The following TRAPPC12 variants were observed in gnomAD, a reference collection of about 807,000 sequenced individuals.
The protein encoded by TRAPPC12 is trafficking protein particle complex subunit 12.
Under a neutral mutation model 69.2 loss-of-function variants are expected in TRAPPC12, and 61 were observed. That is an observed-to-expected ratio of 0.88 (90% confidence interval 0.72 to 1.09). TRAPPC12 has a LOEUF of 1.09. TRAPPC12 is among the 50% of genes least tolerant of loss of function. TRAPPC12 has a pLI of 0.00. For synonymous variants in TRAPPC12, 469 were observed against 438.9 expected (o/e 1.07, Z -0.86); for missense variants, 1,101 against 1,016.4 (o/e 1.08, Z -1.13).
intron 6 of TRAPPC12, chr2:3,457,042 T>G: frequency 2.2e-6 from 1 of 459,846 alleles, no homozygotes; most frequent in Middle Eastern, 6.9e-4. Context: ...GACTTGGTGA[T>G]GTTTACAGTG....
chr2:3,386,334 A>G (rs1215562094), intron 1 of TRAPPC12, among the ~76,000 whole-genome samples: 3 of 152,198 alleles, frequency 2.0e-5, no homozygotes, highest in Non-Finnish European at 4.4e-5. Context: ...ACATAAAGTA[A>G]AAGTTTTTCA....
At chr2:3,392,136 C>T (rs189459277) in intron 2 of TRAPPC12, among the ~76,000 whole-genome samples, 19 of 152,236 alleles carry the variant, frequency 1.2e-4, no homozygotes, top group African/African-American at 4.6e-4. Flanking sequence ...GTACTCAGTA[C>T]CTTGCAGCGA....
chr2:3,396,329 T>C (rs1450995970), intron 2 of TRAPPC12, among the ~76,000 whole-genome samples: 1 of 152,192 alleles, frequency 6.6e-6, no homozygotes, highest in Non-Finnish European at 1.5e-5. Flanking sequence ...GTAGTAATTC[T>C]TATCCTCGCT....
Position 3,387,632 on chromosome 2 carries a change from C to G in TRAPPC12, c.9C>G (p.Asp3Glu). The change falls in exon 2 of 12, where the codon GAC becomes GAG. Residue 3 changes from aspartate (D) to glutamate (E), a missense_variant. Coordinates refer to ENST00000324266, the MANE Select transcript of TRAPPC12 (RefSeq NM_016030.6). ...TCTTTGCTTTCAGGGTCATGGAGGA[C>G]GCTGGCGGCGGCGAGGAGACCCCGG... ME[D>E]AGGGEETPAP... The G allele has an allele frequency of 1.3e-6, 2 of 1,541,130 alleles. No homozygotes were observed. The highest frequency in any genetic ancestry group is 1.8e-6 in the Non-Finnish European group (2 of 1,140,538).
intron 3 of TRAPPC12, among the ~76,000 whole-genome samples, chr2:3,405,499 CT>C (rs1274920481): frequency 6.6e-6 from 1 of 152,202 alleles, no homozygotes; most frequent in Non-Finnish European, 1.5e-5. Context: ...GCTTCTAGGA[CT>C]GGATTGTATC....
chr2:3,430,598 A>G (rs529054332), intron 5 of TRAPPC12, among the ~76,000 whole-genome samples: 2 of 152,370 alleles, frequency 1.3e-5, no homozygotes, highest in East Asian at 1.9e-4. Flanking sequence ...TATTTGGGAA[A>G]TATTAATATC....
chr2:3,468,361 C>T (rs756071231), intron 9 of TRAPPC12, among the ~76,000 whole-genome samples: 30 of 152,052 alleles, frequency 2.0e-4, no homozygotes, highest in Non-Finnish European at 4.4e-4. Context: ...CAGACCCCGA[C>T]CCTGGTCCAG....
At chr2:3,398,861 C>A (rs1384134346) in intron 2 of TRAPPC12, among the ~76,000 whole-genome samples, 1 of 152,164 alleles carries the variant, frequency 6.6e-6, no homozygotes, top group African/African-American at 2.4e-5. Context: ...TAAAGTAGAC[C>A]CTCACTGAAT....
rs11903792 is a variant in TRAPPC12 at position 3,395,156 on chromosome 2, C to G, written c.1047+6486C>G. Among the ~76,000 whole-genome samples the G allele has an allele frequency of 4.0e-3, 603 of 152,246 alleles. 2 individuals carry two copies. The highest frequency in any genetic ancestry group is 0.013 in the African/African-American group (520 of 41,530). ...TTTCCGTCAGCAGCGTATGAGAGTT[C>G]CAATTATTTTGTATCCATGGTATAG... On this transcript the variant is annotated intron_variant, in intron 2 of 11. Coordinates refer to ENST00000324266, the MANE Select transcript of TRAPPC12 (RefSeq NM_016030.6).
chr2:3,453,258 T>G (rs1664945389), intron 6 of TRAPPC12, among the ~76,000 whole-genome samples: 1 of 152,188 alleles, frequency 6.6e-6, no homozygotes, highest in Admixed American at 6.5e-5. Flanking sequence ...CAGCAGGCGC[T>G]AAGCACCACC....
At chr2:3,451,068 G>A (rs937837378) in intron 6 of TRAPPC12, among the ~76,000 whole-genome samples, 13 of 152,198 alleles carry the variant, frequency 8.5e-5, no homozygotes, top group African/African-American at 3.1e-4. Flanking sequence ...GTTACAAATT[G>A]CCTTTTTAAA....
At chr2:3,386,945 T>G (rs951982793) in intron 1 of TRAPPC12, among the ~76,000 whole-genome samples, 1 of 152,164 alleles carries the variant, frequency 6.6e-6, no homozygotes, top group Non-Finnish European at 1.5e-5. Context: ...GACAAACGGT[T>G]CAGCCACTAT....
In TRAPPC12 at chr2:3,479,311, G is replaced by A. The variant is rs777963713; in HGVS notation, c.2058G>A (p.Arg686=). The A allele has an allele frequency of 1.5e-5, 24 of 1,614,200 alleles. No homozygotes were observed. Among genetic ancestry groups the A allele is most frequent in the Non-Finnish European group, 2.0e-5 (24 of 1,180,042 alleles). The change falls in exon 12 of 12, where the codon AGG becomes AGA. Residue 686 remains arginine, a synonymous_variant. Transcript: ENST00000324266. ...AGGCCATGGTCCAGCAGGACCCCAGGCACTACCTGCACGAGAGCGTGCTCT... is the reference window on the plus strand; with the variant it reads ...AGGCCATGGTCCAGCAGGACCCCAGACACTACCTGCACGAGAGCGTGCTCT... ...QLEAMVQQDP[R]HYLHESVLFN...
intron 5 of TRAPPC12, among the ~76,000 whole-genome samples, chr2:3,435,942 A>G (rs1446570425): frequency 6.6e-6 from 1 of 152,228 alleles, no homozygotes; most frequent in Non-Finnish European, 1.5e-5. Context: ...GAGGCATTAT[A>G]AAAATATAGT....
At position 3,388,302 on chromosome 2, in the gene TRAPPC12, T is replaced by A; in HGVS notation, c.679T>A (p.Phe227Ile). The A allele has an allele frequency of 6.2e-7, 1 of 1,607,184 alleles. No homozygotes were observed. The highest frequency in any genetic ancestry group is 8.5e-7 in the Non-Finnish European group (1 of 1,176,860). The change falls in exon 2 of 12, where the codon TTT becomes ATT. Residue 227 changes from phenylalanine (F) to isoleucine (I), a missense_variant. Physicochemically the swap from Phe to Ile is conservative, Grantham distance 21 (BLOSUM62 0). Transcript: ENST00000324266. ...CTTGGCCTCGGACTTCTTCGACTCCTTTACTACCTCCGCCTTCATTTCCGT... is the reference window on the plus strand; with the variant it reads ...CTTGGCCTCGGACTTCTTCGACTCCATTACTACCTCCGCCTTCATTTCCGT... ...HSLASDFFDS[F>I]TTSAFISVSN...
Position 3,414,749 on chromosome 2 carries a change from G to A in TRAPPC12, c.1165-7132G>A, listed in dbSNP as rs187627785. Among the ~76,000 whole-genome samples the A allele has an allele frequency of 3.3e-5, 5 of 152,084 alleles. No individual in the cohort carries two copies. The East Asian group carries it at 9.7e-4, about 30-fold the overall frequency. On this transcript the variant is annotated intron_variant, in intron 3 of 11. Transcript: ENST00000324266. This position sits in a 1 kb window ranked among gnomAD's most constrained non-coding sequence, Gnocchi z 4.9. ...CCCGTCGTTGACGTGCATTCCTCTT[G>A]TTCATCGTGCGAGACTCCCCACCCC... is the stretch of plus-strand genomic sequence containing the variant.
intron 2 of TRAPPC12, among the ~76,000 whole-genome samples, chr2:3,397,423 C>G (rs1401309623): frequency 1.3e-5 from 2 of 152,218 alleles, no homozygotes; most frequent in Non-Finnish European, 2.9e-5. Context: ...CTGTCCATGG[C>G]AGACCCACAC....
At chr2:3,407,331 A>G (rs1310735186) in intron 3 of TRAPPC12, among the ~76,000 whole-genome samples, 1 of 152,214 alleles carries the variant, frequency 6.6e-6, no homozygotes, top group Non-Finnish European at 1.5e-5. Context: ...TAGACCCTGT[A>G]TCGTACTCCT....
At chr2:3,406,639 C>T (rs1021152987) in intron 3 of TRAPPC12, among the ~76,000 whole-genome samples, 7 of 152,176 alleles carry the variant, frequency 4.6e-5, no homozygotes, top group Non-Finnish European at 1.0e-4. Context: ...TTACGGATCT[C>T]CAGGGTGGCC....
Sources: allele counts gnomAD v4.1 joint callset (sites outside exome capture counted in the v4.1 genomes callset), GRCh38; gene constraint gnomAD v4.1.1; non-coding constraint Gnocchi (gnomAD v3.1); transcripts MANE v1.5; gene names NCBI Gene and HGNC (gene_info 2026-07-23, HGNC 2026-07-21).